Variants in ESCO1 observed in about 807,000 individuals in gnomAD.
The protein encoded by ESCO1 is N-acetyltransferase ESCO1.
In ESCO1, 33 loss-of-function variants were observed where a neutral mutation model predicts 83.5. The ratio of observed to expected loss-of-function variants is 0.40; its 90% CI spans 0.30 to 0.53. The LOEUF (loss-of-function observed/expected upper bound fraction) is 0.53. Ranked by LOEUF, ESCO1 falls within the 20% of genes least tolerant of loss-of-function variation. ESCO1 has a pLI of 0.63. For missense variants in ESCO1, 855 were observed against 968.0 expected (o/e 0.88, Z 1.55); for synonymous variants, 332 against 324.3 (o/e 1.02, Z -0.25).
In ESCO1 at chr18:21,573,193, C is replaced by T. The variant is rs562293796; in HGVS notation, c.1530+121G>A. The T allele has an allele frequency of 6.5e-5, 63 of 966,678 alleles. No individual in the cohort carries two copies. The African/African-American group carries it at 8.3e-4, about 13-fold the overall frequency. 59.9% of individuals were successfully genotyped at this position (966,678 alleles called of 1,614,324 possible). ...AATAAAACTCTCGCTAACAACTTAACAGGAGAACTTAAACAACTCTTCAAT... is the reference window on the plus strand; with the variant it reads ...AATAAAACTCTCGCTAACAACTTAATAGGAGAACTTAAACAACTCTTCAAT... On this transcript the variant is annotated intron_variant, in intron 4 of 11. Coordinates refer to ENST00000269214, the MANE Select transcript of ESCO1 (RefSeq NM_052911.3).
intron 8 of ESCO1, among the ~76,000 whole-genome samples, chr18:21,553,806 G>A (rs1394012734): frequency 2.9e-4 from 43 of 150,074 alleles, no homozygotes; most frequent in South Asian, 2.1e-4. Context: ...GCAGTGAGCC[G>A]AGATTGTTGC....
Position 21,530,315 on chromosome 18 carries a change from CT to C in ESCO1, c.*27del. 1 of 1,543,422 alleles carries C rather than the reference CT, an allele frequency of 6.5e-7. No individual in the cohort carries two copies. Among genetic ancestry groups the C allele is most frequent in the Admixed American group, 2.0e-5 (1 of 49,452 alleles). On this transcript the variant is annotated 3_prime_UTR_variant, in exon 12 of 12. Transcript: ENST00000269214. ...CCAATCCATTCTCTTCAATAGATGT[CT>C]TCTAGTGGTGTAGGCAAGAATTTGT... is the stretch of plus-strand genomic sequence containing the variant.
At chr18:21,552,416 A>T (rs1598985856) in intron 8 of ESCO1, among the ~76,000 whole-genome samples, 1 of 152,136 alleles carries the variant, frequency 6.6e-6, no homozygotes, top group Non-Finnish European at 1.5e-5. Context: ...ACAAAATCTG[A>T]TGGTTTTATA....
At chr18:21,577,395 C>G (rs2038434078) in intron 2 of ESCO1, among the ~76,000 whole-genome samples, 1 of 145,452 alleles carries the variant, frequency 6.9e-6, no homozygotes, top group Non-Finnish European at 1.5e-5. Context: ...AGGCTGGGCT[C>G]ACACCTGTAA....
chr18:21,576,461 C>G (rs1055274077), intron 2 of ESCO1, among the ~76,000 whole-genome samples: 1 of 152,086 alleles, frequency 6.6e-6, no homozygotes. Context: ...TATAATCATG[C>G]CAGTACACTC....
chr18:21,569,053 T>C (rs1280493161), intron 4 of ESCO1, among the ~76,000 whole-genome samples: 1 of 152,238 alleles, frequency 6.6e-6, no homozygotes, highest in Non-Finnish European at 1.5e-5. Context: ...CAGAATACCT[T>C]TCCCCCTATA....
intron 8 of ESCO1, among the ~76,000 whole-genome samples, chr18:21,556,246 C>T (rs996073811): frequency 1.3e-5 from 2 of 152,012 alleles, no homozygotes; most frequent in African/African-American, 4.8e-5. Flanking sequence ...AGAGTAAGAT[C>T]CTGACTCAAA....
intron 8 of ESCO1, among the ~76,000 whole-genome samples, chr18:21,559,996 ATAAAGACCTT>A (rs1568100613): frequency 1.3e-5 from 2 of 152,192 alleles, no homozygotes. Context: ...ACGGAGGCCA[ATAAAGACCTT>A]TAAATAATCT....
chr18:21,541,592 C>CAAAAAAAAAAAAAAAAAAAAAAA (rs58040604), intron 8 of ESCO1, among the ~76,000 whole-genome samples: 1 of 86,818 alleles, frequency 1.2e-5, no homozygotes, highest in Non-Finnish European at 2.5e-5. Flanking sequence ...GACACTGTCC[C>CAAAAAAAAAAAAAAAAAAAAAAA]AAAAAAAAAA....
chr18:21,540,143 CATT>C, intron 8 of ESCO1, 134 bp from the exon 9 acceptor site: 1 of 765,192 alleles, frequency 1.3e-6, no homozygotes, highest in Non-Finnish European at 2.0e-6. Context: ...AATATATGCT[CATT>C]AATGCTTAAT....
At chr18:21,583,986 T>A (rs961862027) in intron 2 of ESCO1, among the ~76,000 whole-genome samples, 3 of 152,118 alleles carry the variant, frequency 2.0e-5, no homozygotes, top group Admixed American at 2.0e-4. Context: ...ATGTCTCCCT[T>A]TGTGTAAAGA....
chr18:21,599,422 A>C (rs911426063), intron 1 of ESCO1, among the ~76,000 whole-genome samples: 2 of 152,222 alleles, frequency 1.3e-5, no homozygotes, highest in African/African-American at 4.8e-5. Flanking sequence ...CCAGAAGACA[A>C]AGTGAATATA....
chr18:21,560,775 G>T, intron 8 of ESCO1, 84 bp downstream of exon 8: 1 of 1,507,266 alleles, frequency 6.6e-7, no homozygotes, highest in South Asian at 1.3e-5. Flanking sequence ...ATTTTTCAGT[G>T]ATTTAAATTT....
intron 9 of ESCO1, among the ~76,000 whole-genome samples, chr18:21,538,479 T>C (rs1446369181): frequency 6.6e-6 from 1 of 152,186 alleles, no homozygotes; most frequent in Non-Finnish European, 1.5e-5. Flanking sequence ...TACATGTCAC[T>C]GTAAATACTG....
chr18:21,589,266 ACAAGT>A (rs1250066562), intron 1 of ESCO1, among the ~76,000 whole-genome samples: 1 of 152,080 alleles, frequency 6.6e-6, no homozygotes, highest in Non-Finnish European at 1.5e-5. Context: ...GATAACATCA[ACAAGT>A]CAAATAAAAA....
chr18:21,533,691 G>C (rs564200335), intron 10 of ESCO1, among the ~76,000 whole-genome samples: 180 of 152,254 alleles, frequency 1.2e-3, no homozygotes, highest in African/African-American at 4.0e-3. Context: ...GTCATTTATG[G>C]ATCTAGGTGG....
intron 7 of ESCO1, among the ~76,000 whole-genome samples, chr18:21,561,778 C>A (rs2038189120): frequency 6.6e-6 from 1 of 151,920 alleles, no homozygotes; most frequent in Non-Finnish European, 1.5e-5. Flanking sequence ...ACCATGTTGC[C>A]CAGGCTGGTC....
At chr18:21,557,319 G>A (rs919141621) in intron 8 of ESCO1, among the ~76,000 whole-genome samples, 1 of 151,996 alleles carries the variant, frequency 6.6e-6, no homozygotes, top group Non-Finnish European at 1.5e-5. Context: ...TCAATAAAAA[G>A]GATCTACTCA....
intron 10 of ESCO1, 118 bp downstream of exon 10, chr18:21,535,924 C>T (rs2037831090): frequency 2.4e-6 from 3 of 1,229,464 alleles, no homozygotes; most frequent in Non-Finnish European, 3.4e-6. Flanking sequence ...GGAATTCTTG[C>T]ATTAAAACTG....
Sources: allele counts gnomAD v4.1 joint callset (sites outside exome capture counted in the v4.1 genomes callset), GRCh38; gene constraint gnomAD v4.1.1; transcripts MANE v1.5; gene names NCBI Gene and HGNC (gene_info 2026-07-23, HGNC 2026-07-21).